Variants in CREB5 observed in about 807,000 individuals in gnomAD.
The protein encoded by CREB5 is cyclic AMP-responsive element-binding protein 5.
In CREB5, 19 loss-of-function variants were observed where a neutral mutation model predicts 57.1. That is an observed-to-expected ratio of 0.33 (90% CI 0.23 to 0.49). CREB5 has a LOEUF of 0.49. CREB5 is among the 20% of genes least tolerant of loss of function. The pLI, the probability that CREB5 is intolerant of heterozygous loss-of-function variation, is 0.99. For missense variants in CREB5, 579 were observed against 671.6 expected, an observed-to-expected ratio of 0.86 and a Z score of 1.52; for synonymous variants, 238 against 238.3, an observed-to-expected ratio of 1.00 and a Z score of 0.01.
chr7:28,605,176 T>C (rs1797083207), intron 5 of CREB5, among the ~76,000 whole-genome samples: 1 of 152,212 alleles, frequency 6.6e-6, no homozygotes, highest in Non-Finnish European at 1.5e-5. Flanking sequence ...TATAAAGAAC[T>C]GGATACCTTT....
At chr7:28,543,367 A>T (rs1794284823) in intron 4 of CREB5, among the ~76,000 whole-genome samples, 1 of 152,178 alleles carries the variant, frequency 6.6e-6, no homozygotes, top group African/African-American at 2.4e-5. Flanking sequence ...CACAAAAAAT[A>T]TTATGCATTT....
At chr7:28,454,602 G>A (rs148343927) in intron 1 of CREB5, among the ~76,000 whole-genome samples, 115 of 152,258 alleles carry the variant, frequency 7.6e-4, no homozygotes, top group African/African-American at 2.6e-3. Context: ...AGCTTATGTC[G>A]TGATAGGTCT....
chr7:28,373,437 T>C (rs1294644944), intron 1 of CREB5, among the ~76,000 whole-genome samples: 1 of 103,530 alleles, frequency 9.7e-6, no homozygotes, highest in Non-Finnish European at 1.7e-5. Context: ...TTTCTTTTTT[T>C]CTTTTTTCTT....
chr7:28,423,080 T>C (rs1019731194), intron 1 of CREB5, among the ~76,000 whole-genome samples: 3 of 152,130 alleles, frequency 2.0e-5, no homozygotes, highest in Non-Finnish European at 4.4e-5. Flanking sequence ...TATCCTTCCC[T>C]CCCTTCTTCC....
intron 7 of CREB5, among the ~76,000 whole-genome samples, chr7:28,791,767 A>C (rs1007481126): frequency 2.0e-5 from 3 of 152,202 alleles, no homozygotes; most frequent in African/African-American, 7.2e-5. Flanking sequence ...TAGAGATGCC[A>C]TTTTCAATTA....
chr7:28,733,026 A>G (rs1274655008), intron 7 of CREB5, among the ~76,000 whole-genome samples: 2 of 152,122 alleles, frequency 1.3e-5, no homozygotes. Context: ...TTCACAGGAT[A>G]CTTAGGTCCC....
chr7:28,439,866 C>T (rs1468658621), intron 1 of CREB5, among the ~76,000 whole-genome samples: 1 of 152,140 alleles, frequency 6.6e-6, no homozygotes, highest in African/African-American at 2.4e-5. Flanking sequence ...TGTAATTTTG[C>T]GTACCATTCA....
chr7:28,737,539 GTATATATATATATATATATATATATATA>G (rs59294932), intron 7 of CREB5, among the ~76,000 whole-genome samples: 20 of 26,672 alleles, frequency 7.5e-4, no homozygotes, highest in African/African-American at 1.3e-3. Flanking sequence ...ATATATATAC[GTATATATATATATATATATATATATATA>G]TATATATATA....
At chr7:28,642,983 CACAT>C (rs1325528664) in intron 5 of CREB5, among the ~76,000 whole-genome samples, 314 of 108,200 alleles carry the variant, frequency 2.9e-3, no homozygotes, top group Middle Eastern at 9.5e-3. Flanking sequence ...CACACACACA[CACAT>C]ACACACACAC....
intron 1 of CREB5, among the ~76,000 whole-genome samples, chr7:28,387,226 C>T (rs1455736458): frequency 6.6e-6 from 1 of 152,150 alleles, no homozygotes; most frequent in African/African-American, 2.4e-5. Flanking sequence ...TCTCCATAAC[C>T]TTGCCAGCTT....
chr7:28,701,329 T>C (rs955385779), intron 5 of CREB5, among the ~76,000 whole-genome samples: 2 of 152,178 alleles, frequency 1.3e-5, no homozygotes, highest in African/African-American at 4.8e-5. Context: ...AAATCCCTCT[T>C]ATTTTGGATA....
chr7:28,750,129 G>T (rs921416152), intron 7 of CREB5, among the ~76,000 whole-genome samples: 1 of 152,044 alleles, frequency 6.6e-6, no homozygotes, highest in Non-Finnish European at 1.5e-5. Context: ...TTTTTGAAAT[G>T]AGAATATATG....
At chr7:28,521,051 T>G (rs556543114) in intron 4 of CREB5, among the ~76,000 whole-genome samples, 2 of 152,100 alleles carry the variant, frequency 1.3e-5, no homozygotes, top group South Asian at 2.1e-4. Flanking sequence ...GTGGGGGCAG[T>G]CTCTCCTTAA....
chr7:28,741,504 AAG>A (rs1016251449), intron 7 of CREB5, among the ~76,000 whole-genome samples: 2 of 152,054 alleles, frequency 1.3e-5, no homozygotes, highest in East Asian at 1.9e-4. Context: ...CCATCCCTGG[AAG>A]AGTCCTTTGT....
intron 1 of CREB5, among the ~76,000 whole-genome samples, chr7:28,388,000 A>G (rs552519353): frequency 1.1e-4 from 16 of 152,248 alleles, no homozygotes; most frequent in African/African-American, 2.9e-4. Flanking sequence ...CTGACTCTCA[A>G]TCATGGAGCC....
Position 28,475,250 on chromosome 7 carries a change from C to CTTTTT in CREB5, c.4-12892_4-12888dup, listed in dbSNP as rs530903709. On this transcript the variant is annotated intron_variant, in intron 1 of 10. Coordinates refer to ENST00000357727, the MANE Select transcript of CREB5 (RefSeq NM_182898.4). ...CACTTCATGCGTTATTCAGAAGTTT[C>CTTTTT]TTTTTTTTTTTTTTTTTTTTTTTTT... Among the ~76,000 whole-genome samples, 6 of 59,618 alleles carry CTTTTT rather than the reference C, an allele frequency of 1.0e-4. 1 individual carries two copies. The highest frequency in any genetic ancestry group is 4.5e-4 in the African/African-American group (6 of 13,460). 39.1% of individuals were successfully genotyped at this position (59,618 alleles called of 152,430 possible). A position where few individuals can be genotyped will look rare whatever the true frequency, so the allele number is the denominator to read the frequency against.
chr7:28,335,585 GTTTTC>G (rs1402209165), intron 1 of CREB5, among the ~76,000 whole-genome samples: 3 of 151,672 alleles, frequency 2.0e-5, no homozygotes, highest in South Asian at 2.1e-4. Context: ...ACTTCTAGTA[GTTTTC>G]TTTTTTTTTG....
At chr7:28,660,399 T>TTTTTC (rs1437637333) in intron 5 of CREB5, among the ~76,000 whole-genome samples, 2 of 151,228 alleles carry the variant, frequency 1.3e-5, no homozygotes, top group African/African-American at 4.9e-5. Context: ...TTTTTTTTTT[T>TTTTTC]TTGAGCATGT....
chr7:28,334,777 C>A (rs892569914), intron 1 of CREB5, among the ~76,000 whole-genome samples: 7 of 152,118 alleles, frequency 4.6e-5, no homozygotes, highest in African/African-American at 1.7e-4. Flanking sequence ...GAAATCTTTG[C>A]CCAGTCCAAT....
Sources: gnomAD v4.1 joint callset for allele counts (sites outside exome capture counted in the v4.1 genomes callset) on GRCh38, gnomAD v4.1.1 for gene constraint, MANE v1.5 for transcripts, NCBI Gene and HGNC (gene_info 2026-07-23, HGNC 2026-07-21) for gene names.